Variants in MDN1 observed in about 807,000 individuals in gnomAD.
The protein encoded by MDN1 is midasin.
Under a neutral mutation model 669.2 loss-of-function variants are expected in MDN1, and 266 were observed. That is an observed-to-expected ratio of 0.40 (90% confidence interval 0.36 to 0.44). The LOEUF (loss-of-function observed/expected upper bound fraction) is 0.44, where lower values mean the gene tolerates loss of function less well. Among genes scored for constraint, MDN1 ranks in the 20% least tolerant of loss-of-function variants. MDN1 has a pLI of 1.00. For synonymous variants in MDN1, 2,385 were observed against 2,457.1 expected (o/e 0.97, Z 0.87); for missense variants, 5,940 against 6,754.0 (o/e 0.88, Z 4.22).
At chr6:89,669,971 G>A (rs1366733114) in intron 83 of MDN1, among the ~76,000 whole-genome samples, 4 of 151,328 alleles carry the variant, frequency 2.6e-5, no homozygotes, top group African/African-American at 7.3e-5. Flanking sequence ...TTGGGAGGCC[G>A]AGGTGGACAG....
At chr6:89,750,911 T>C (rs1584315678) in intron 23 of MDN1, among the ~76,000 whole-genome samples, 1 of 49,300 alleles carries the variant, frequency 2.0e-5, no homozygotes, top group East Asian at 8.0e-4. Context: ...CCAAGTATTA[T>C]TTTGGTTTTT....
At chr6:89,804,641 TC>T (rs1331436292) in intron 1 of MDN1, among the ~76,000 whole-genome samples, 2 of 152,072 alleles carry the variant, frequency 1.3e-5, no homozygotes, top group Non-Finnish European at 2.9e-5. Flanking sequence ...AATGAGGATA[TC>T]CCTATCAAGC....
Position 89,696,462 on chromosome 6 carries a change from G to A in MDN1, c.9281C>T (p.Ser3094Phe). ...AACCCACTCTCCTAGGGTCACGTGA[G>A]AGGAGGAAAGAATGGGGAGGCCACT... ...DVSGLPILSSSHVTLGEWVER... is the reference protein window; with the variant it reads ...DVSGLPILSSFHVTLGEWVER... Residue 3094 changes from serine (S) to phenylalanine (F), a missense_variant, in exon 60 of 102, where the codon TCT becomes TTT. Physicochemically the swap from Ser to Phe is radical, Grantham distance 155 (BLOSUM62 -2). Around this residue, in one of 5 missense-constraint regions of MDN1, gnomAD observed 2,292 missense variants for 2,638.3 expected, o/e 0.87. Transcript: ENST00000369393. The A allele has an allele frequency of 6.2e-7, 1 of 1,614,232 alleles. No individual in the cohort carries two copies. The highest frequency in any genetic ancestry group is 2.2e-5 in the East Asian group (1 of 44,882).
intron 20 of MDN1, among the ~76,000 whole-genome samples, chr6:89,754,607 C>T (rs905809419): frequency 5.3e-5 from 8 of 152,120 alleles, no homozygotes; most frequent in African/African-American, 1.9e-4. Context: ...TGGCAAACAA[C>T]GCATGGTGTT....
chr6:89,793,812 C>A lies in MDN1; in HGVS notation c.805G>T (p.Ala269Ser). ...VSSDLSPRVT[A>S]VCGVVLPGQL... ...CCAGGCAGCACCACACCACAAACAG[C>A]TGTCACCCTAGGGGAGAGGTCAGAC... Residue 269 changes from alanine to serine, a missense_variant, in exon 5 of 102, where the codon GCT (alanine) becomes TCT (serine). This residue lies in a region of MDN1 where 1,203 missense variants were observed against 1,268.9 expected (regional missense o/e 0.95). Coordinates refer to ENST00000369393, the MANE Select transcript of MDN1 (RefSeq NM_014611.3). 6.2e-7 allele frequency: 1 copy of A among 1,614,154 alleles called. No homozygotes were observed. The highest frequency in any genetic ancestry group is 1.3e-5 in the African/African-American group (1 of 75,046).
At position 89,756,324 on chromosome 6, in the gene MDN1, AT is replaced by A. The variant is rs1562185322; in HGVS notation, c.2768del (p.Tyr923PhefsTer2). On this transcript the variant is annotated frameshift_variant, in exon 20 of 102. Transcript: ENST00000369393. LOFTEE classifies it high-confidence loss of function. ...TCTTGTTCACACTCAATCCTTTCAGATAATCTACAATAAGAACCTGTAAGTC... is the reference window on the plus strand; with the variant it reads ...TCTTGTTCACACTCAATCCTTTCAGAAATCTACAATAAGAACCTGTAAGTC... ...KEDLQVLIVDYLKGLSVNKNT... is the reference protein window; with the variant it reads ...KEDLQVLIVDXLKGLSVNKNT... 1 of 1,603,482 alleles carries A rather than the reference AT, an allele frequency of 6.2e-7. No homozygotes were observed. Among genetic ancestry groups the A allele is most frequent in the Admixed American group, 1.7e-5 (1 of 58,396 alleles).
rs1388733931 is a variant in MDN1, at chr6:89,690,785, G to T, written c.10637C>A (p.Ala3546Asp). 6.2e-7 allele frequency: 1 copy of T among 1,613,972 alleles called. No homozygotes were observed. The highest frequency in any genetic ancestry group is 8.5e-7 in the Non-Finnish European group (1 of 1,180,020). The change falls in exon 64 of 102, where the codon GCT becomes GAT. Residue 3546 changes from alanine to aspartate, a missense_variant. By Grantham distance (126) the Ala-to-Asp change is moderately radical (BLOSUM62 -2). Around this residue, in one of 5 missense-constraint regions of MDN1, gnomAD observed 2,280 missense variants for 2,576.3 expected, o/e 0.88. Coordinates refer to ENST00000369393, the MANE Select transcript of MDN1 (RefSeq NM_014611.3). Reference protein sequence around the residue: ...DEQERIAQEKAEQESGLYRYR... With the variant: ...DEQERIAQEKDEQESGLYRYR... ...TCTATACAGGCCGCTTTCCTGCTCA[G>T]CCTTCTCTTGGGCTATGCGTTCCTG...
At chr6:89,747,208 G>T in intron 27 of MDN1, 121 bp downstream of exon 27, 1 of 1,137,952 alleles carries the variant, frequency 8.8e-7, no homozygotes, top group Non-Finnish European at 1.2e-6. Flanking sequence ...GAGGGAAACA[G>T]GCTCTCTGGA....
At chr6:89,805,005 C>G (rs1258197856) in intron 1 of MDN1, among the ~76,000 whole-genome samples, 1 of 128,964 alleles carries the variant, frequency 7.8e-6, no homozygotes, top group Non-Finnish European at 1.5e-5. Context: ...CCACTGCACT[C>G]TAGCCTGGGC....
At chr6:89,697,910 A>G (rs1047454087) in intron 59 of MDN1, among the ~76,000 whole-genome samples, 4 of 152,170 alleles carry the variant, frequency 2.6e-5, no homozygotes, top group South Asian at 2.1e-4. Context: ...AAAAAGCACA[A>G]CTATGACTCG....
At chr6:89,652,120 G>A (rs1357046721) in intron 95 of MDN1, 72 bp downstream of exon 95, 5 of 1,224,152 alleles carry the variant, frequency 4.1e-6, no homozygotes, top group Admixed American at 4.0e-5. Context: ...AACCTATTAA[G>A]TTTGCTATAT....
chr6:89,717,745 C>T (rs958181033), intron 43 of MDN1, among the ~76,000 whole-genome samples: 3 of 152,136 alleles, frequency 2.0e-5, no homozygotes, highest in Non-Finnish European at 4.4e-5. Flanking sequence ...AAAATGTTTG[C>T]TGGCCAAGAA....
chr6:89,710,902 C>T (rs574933200), intron 49 of MDN1, 108 bp from the exon 50 acceptor site: 2 of 623,578 alleles, frequency 3.2e-6, no homozygotes, highest in East Asian at 6.6e-5. Context: ...CCACTAGTCA[C>T]ATATGAGGAC....
intron 34 of MDN1, among the ~76,000 whole-genome samples, 157 bp downstream of exon 34, chr6:89,732,400 T>C (rs17294425): frequency 0.18 from 27,472 of 152,126 alleles, 2,811 homozygotes; most frequent in South Asian, 0.31. Context: ...GCCAATCACC[T>C]TTCAAAGAGT....
At chr6:89,761,891 C>T in intron 16 of MDN1, 143 bp from the exon 17 acceptor site, 1 of 620,530 alleles carries the variant, frequency 1.6e-6, no homozygotes, top group Non-Finnish European at 2.7e-6. Flanking sequence ...ATAATGCTAA[C>T]AAAATGCCAG....
chr6:89,667,525 A>C (rs895445667), intron 84 of MDN1, among the ~76,000 whole-genome samples: 4 of 152,218 alleles, frequency 2.6e-5, no homozygotes, highest in African/African-American at 7.2e-5. Context: ...AATCCAAGCA[A>C]TGTAACAATC....
chr6:89,773,448 G>C (rs1045486255), intron 13 of MDN1, among the ~76,000 whole-genome samples: 1 of 151,048 alleles, frequency 6.6e-6, no homozygotes, highest in African/African-American at 2.4e-5. Flanking sequence ...GCTGAGGCAG[G>C]AGAATCACTT....
intron 29 of MDN1, among the ~76,000 whole-genome samples, chr6:89,744,090 C>T (rs1270463045): frequency 5.7e-5 from 7 of 123,124 alleles, no homozygotes; most frequent in African/African-American, 2.1e-4. Context: ...GTAACAAGAG[C>T]GGAATGCCTT....
In MDN1 at chr6:89,794,600, T is replaced by A; in HGVS notation, c.531A>T (p.Arg177Ser). 1 of 1,613,268 alleles carries A rather than the reference T, an allele frequency of 6.2e-7. No individual in the cohort carries two copies. Among genetic ancestry groups the A allele is most frequent in the Non-Finnish European group, 8.5e-7 (1 of 1,180,032 alleles). Residue 177 changes from arginine to serine, a missense_variant, in exon 3 of 102, where the codon AGA becomes AGT. By Grantham distance (110) the Arg-to-Ser change is moderately radical. This residue lies in a region of MDN1 where 1,203 missense variants were observed against 1,268.9 expected (regional missense o/e 0.95). Transcript: ENST00000369393. Reference protein sequence around the residue: ...WDWSVCVPLLRSHDTLVRWYT... With the variant: ...WDWSVCVPLLSSHDTLVRWYT... ...ACCAGCGAACCAAGGTGTCATGGCTTCTGAGGAGAGGGACACACACACTCC... is the reference window on the plus strand; with the variant it reads ...ACCAGCGAACCAAGGTGTCATGGCTACTGAGGAGAGGGACACACACACTCC...
Sources: allele counts gnomAD v4.1 joint callset (sites outside exome capture counted in the v4.1 genomes callset), GRCh38; gene constraint gnomAD v4.1.1; regional missense constraint gnomAD v4.1.1; transcripts MANE v1.5; gene names NCBI Gene and HGNC (gene_info 2026-07-23, HGNC 2026-07-21).